Variants in HHAT observed in about 807,000 individuals in gnomAD.
HHAT encodes hedgehog acyltransferase, also known as protein-cysteine N-palmitoyltransferase HHAT.
A neutral mutation model predicts 70.8 loss-of-function variants in HHAT; 47 were observed. The observed-to-expected ratio is 0.66, with a 90% CI of 0.53 to 0.85. The LOEUF (loss-of-function observed/expected upper bound fraction) is 0.85. HHAT is among the 40% of genes least tolerant of loss of function. The pLI is 0.00. For synonymous variants in HHAT, 228 were observed against 247.6 expected, an observed-to-expected ratio of 0.92 and a Z score of 0.74; for missense variants, 609 against 604.8, an observed-to-expected ratio of 1.01 and a Z score of -0.07.
At chr1:210,492,064 T>G (rs1209153297) in intron 8 of HHAT, among the ~76,000 whole-genome samples, 1 of 152,110 alleles carries the variant, frequency 6.6e-6, no homozygotes, top group Admixed American at 6.6e-5. Flanking sequence ...CACCTGGCCC[T>G]GTCTTTAGTT....
chr1:210,627,068 G>A (rs935193440), intron 11 of HHAT, among the ~76,000 whole-genome samples: 3 of 152,160 alleles, frequency 2.0e-5, no homozygotes, highest in Non-Finnish European at 1.5e-5. Context: ...AGATTTCCAG[G>A]TTTAAGGGAA....
chr1:210,426,633 A>G (rs2148306029), intron 7 of HHAT, among the ~76,000 whole-genome samples: 1 of 152,146 alleles, frequency 6.6e-6, no homozygotes, highest in Non-Finnish European at 1.5e-5. Context: ...TGTTTTTGTA[A>G]TGAATTACAT....
At chr1:210,413,933 C>A (rs1208314015) in intron 6 of HHAT, among the ~76,000 whole-genome samples, 2 of 152,236 alleles carry the variant, frequency 1.3e-5, no homozygotes, top group African/African-American at 4.8e-5. Flanking sequence ...ATCCATTACC[C>A]CTTCCACACT....
At chr1:210,339,272 A>G (rs886157626) in intron 1 of HHAT, among the ~76,000 whole-genome samples, 1 of 152,184 alleles carries the variant, frequency 6.6e-6, no homozygotes, top group Non-Finnish European at 1.5e-5. Flanking sequence ...GTGACATTTT[A>G]TGTAATAAAG....
At position 210,410,523 on chromosome 1, in the gene HHAT, A is replaced by ATTTTTTTTTTTTTTTTTTTTT. The variant is rs35608235; in HGVS notation, c.684+5846_684+5866dup. On this transcript the variant is annotated intron_variant, in intron 6 of 11. Coordinates refer to ENST00000261458, the MANE Select transcript of HHAT (RefSeq NM_018194.6). ...CTTTTGCTGTGTTGTTTATTTGTAA[A>ATTTTTTTTTTTTTTTTTTTTT]TTTTTTTTTTTTTTTTTTTTTTAAG... Among the ~76,000 whole-genome samples, 26 of 116,426 alleles carry ATTTTTTTTTTTTTTTTTTTTT rather than the reference A, an allele frequency of 2.2e-4. 3 individuals are homozygous for ATTTTTTTTTTTTTTTTTTTTT. Among genetic ancestry groups the ATTTTTTTTTTTTTTTTTTTTT allele is most frequent in the African/African-American group, 9.0e-4 (25 of 27,632 alleles). The allele number at this position is 116,426 out of a possible 152,430, so 76.4% of individuals were successfully genotyped here. A position where few individuals can be genotyped will look rare whatever the true frequency, so the allele number is the denominator to read the frequency against.
intron 11 of HHAT, among the ~76,000 whole-genome samples, chr1:210,626,104 T>G (rs1026988246): frequency 1.3e-5 from 2 of 152,120 alleles, no homozygotes; most frequent in African/African-American, 4.8e-5. Context: ...GTAAAGATTG[T>G]ATGTGAGGCC....
intron 11 of HHAT, among the ~76,000 whole-genome samples, chr1:210,669,554 G>A (rs1320778854): frequency 6.6e-6 from 1 of 152,146 alleles, no homozygotes; most frequent in Admixed American, 6.5e-5. Context: ...CAAATAATCT[G>A]TCCTATTAAT....
At chr1:210,551,417 C>G (rs1274388074) in intron 9 of HHAT, among the ~76,000 whole-genome samples, 1 of 147,570 alleles carries the variant, frequency 6.8e-6, no homozygotes, top group Non-Finnish European at 1.5e-5. Flanking sequence ...AACTCTAACC[C>G]TGCTAGAAGA....
intron 6 of HHAT, among the ~76,000 whole-genome samples, chr1:210,414,338 T>C (rs181692124): frequency 3.9e-5 from 6 of 152,324 alleles, no homozygotes; most frequent in Admixed American, 6.5e-5. Flanking sequence ...ATATGAATTT[T>C]AGTGGGGCAC....
intron 11 of HHAT, among the ~76,000 whole-genome samples, chr1:210,637,239 C>T (rs1044352551): frequency 2.0e-5 from 3 of 152,058 alleles, no homozygotes; most frequent in East Asian, 3.8e-4. Flanking sequence ...AAGTTGGATC[C>T]ATATCTCACA....
chr1:210,624,059 G>A (rs925197974), intron 11 of HHAT, among the ~76,000 whole-genome samples: 5 of 152,134 alleles, frequency 3.3e-5, no homozygotes, highest in Non-Finnish European at 7.4e-5. Context: ...ATTAAGAGAT[G>A]AGGCCTTTAA....
intron 9 of HHAT, among the ~76,000 whole-genome samples, chr1:210,541,665 T>G (rs2095432349): frequency 6.6e-6 from 1 of 152,196 alleles, no homozygotes; most frequent in Admixed American, 6.5e-5. Flanking sequence ...AGGCGGAGGT[T>G]GCAGTGAGCT....
At chr1:210,460,672 T>G (rs1295334030) in intron 7 of HHAT, among the ~76,000 whole-genome samples, 1 of 152,204 alleles carries the variant, frequency 6.6e-6, no homozygotes, top group Non-Finnish European at 1.5e-5. Context: ...AACTGTATGT[T>G]AAGTGAATGA....
intron 10 of HHAT, among the ~76,000 whole-genome samples, chr1:210,619,477 T>C (rs1410604742): frequency 1.3e-5 from 2 of 152,162 alleles, no homozygotes; most frequent in Non-Finnish European, 2.9e-5. Context: ...GATGCATTTC[T>C]CTGGGTCTCA....
At chr1:210,457,406 G>C (rs1347616654) in intron 7 of HHAT, among the ~76,000 whole-genome samples, 1 of 152,192 alleles carries the variant, frequency 6.6e-6, no homozygotes, top group African/African-American at 2.4e-5. Flanking sequence ...AAAATCTAGA[G>C]TAGGTTTGAT....
chr1:210,331,707 A>G (rs2085002493), intron 1 of HHAT, among the ~76,000 whole-genome samples: 1 of 152,222 alleles, frequency 6.6e-6, no homozygotes, highest in Admixed American at 6.5e-5. Flanking sequence ...AATGTTTGAA[A>G]CGTGTCAGAA....
intron 7 of HHAT, among the ~76,000 whole-genome samples, chr1:210,449,741 T>G (rs1256217667): frequency 6.6e-6 from 1 of 152,208 alleles, no homozygotes; most frequent in African/African-American, 2.4e-5. Context: ...GTGAGTTATG[T>G]AAGTGCTGAC....
chr1:210,412,293 C>T (rs976061615), intron 6 of HHAT, among the ~76,000 whole-genome samples: 2 of 152,142 alleles, frequency 1.3e-5, no homozygotes, highest in African/African-American at 4.8e-5. Context: ...TAATGGCCTC[C>T]TTACATGCAA....
At chr1:210,672,598 A>G (rs1680313874) in intron 11 of HHAT, among the ~76,000 whole-genome samples, 1 of 152,172 alleles carries the variant, frequency 6.6e-6, no homozygotes, top group East Asian at 1.9e-4. Context: ...TGCCTTTGAC[A>G]TGGGACTGTG....
Sources: gnomAD v4.1 joint callset for allele counts (sites outside exome capture counted in the v4.1 genomes callset) on GRCh38, gnomAD v4.1.1 for gene constraint, MANE v1.5 for transcripts, NCBI Gene and HGNC (gene_info 2026-07-23, HGNC 2026-07-21) for gene names.